Variants in SPTLC2 observed in about 807,000 individuals in gnomAD.
SPTLC2 encodes serine palmitoyltransferase 2.
SPTLC2 carries 21 observed loss-of-function variants against 62.0 expected under a neutral mutation model. That is an observed-to-expected ratio of 0.34 (90% CI 0.24 to 0.49). The LOEUF (loss-of-function observed/expected upper bound fraction) is 0.49, where lower values mean the gene tolerates loss of function less well. Ranked by LOEUF, SPTLC2 falls within the 20% of genes least tolerant of loss-of-function variation. The pLI, the probability that SPTLC2 is intolerant of heterozygous loss-of-function variation, is 0.99. For missense variants in SPTLC2, 511 were observed against 713.0 expected, an observed-to-expected ratio of 0.72 and a Z score of 3.23; for synonymous variants, 261 against 261.8, an observed-to-expected ratio of 1.00 and a Z score of 0.03.
intron 4 of SPTLC2, among the ~76,000 whole-genome samples, chr14:77,574,001 C>A (rs2079699490): frequency 6.6e-6 from 1 of 152,158 alleles, no homozygotes; most frequent in Non-Finnish European, 1.5e-5. Flanking sequence ...AGCCAGGGAA[C>A]GTCATGGATT....
rs540197610 is a variant in SPTLC2, at chr14:77,534,632, T to C, written c.1304-13051A>G. Among the ~76,000 whole-genome samples, 9 of 88,738 alleles carry C rather than the reference T, an allele frequency of 1.0e-4. No homozygotes were observed. The East Asian group carries it at 1.0e-3, about 10-fold the overall frequency. 58.2% of individuals were successfully genotyped at this position (88,738 alleles called of 152,430 possible). On this transcript the variant is annotated intron_variant, in intron 9 of 11. Transcript: ENST00000216484. ...ATGCTAAACATAGAAGAAATAGAAA[T>C]TGATTTCACCAAAGGCAAAATAAAA...
At chr14:77,576,574 T>C (rs2079717033) in intron 4 of SPTLC2, among the ~76,000 whole-genome samples, 193 bp downstream of exon 4, 1 of 152,240 alleles carries the variant, frequency 6.6e-6, no homozygotes, top group Non-Finnish European at 1.5e-5. Flanking sequence ...TTGGGAAAGA[T>C]AAACACATCT....
chr14:77,562,566 A>C (rs1041286912), intron 5 of SPTLC2, 77 bp from the exon 6 acceptor site: 2 of 1,106,274 alleles, frequency 1.8e-6, no homozygotes, highest in Admixed American at 1.8e-5. Context: ...AATGCCACAA[A>C]CACTAATAGC....
chr14:77,543,849 C>A (rs1225731368), intron 9 of SPTLC2, among the ~76,000 whole-genome samples: 1 of 152,114 alleles, frequency 6.6e-6, no homozygotes, highest in South Asian at 2.1e-4. Context: ...CCAGAAACAA[C>A]CAAAAATGGC....
intron 9 of SPTLC2, chr14:77,535,935 AG>A (rs1312760947): frequency 6.6e-6 from 3 of 455,056 alleles, no homozygotes; most frequent in Non-Finnish European, 1.3e-5. Flanking sequence ...GACTAAATAC[AG>A]GGGATAAAGG....
rs139592291 is a variant in SPTLC2, at chr14:77,523,295, T to C, written c.1304-1714A>G. 7.8e-3 allele frequency among the ~76,000 whole-genome samples: 1,185 copies of C among 152,326 alleles called. 23 individuals are homozygous for C. Among genetic ancestry groups the C allele is most frequent in the African/African-American group, 0.027 (1,125 of 41,576 alleles). On this transcript the variant is annotated intron_variant, in intron 9 of 11. Coordinates refer to ENST00000216484, the MANE Select transcript of SPTLC2 (RefSeq NM_004863.4). ...GTACATAAACAATGACTTTTAGACATTGAACCACGGGGAATGCCAGACTGT... is the reference window on the plus strand; with the variant it reads ...GTACATAAACAATGACTTTTAGACACTGAACCACGGGGAATGCCAGACTGT...
Position 77,596,751 on chromosome 14 carries a change from G to A in SPTLC2, c.327+435C>T, listed in dbSNP as rs571779722. On this transcript the variant is annotated intron_variant, in intron 2 of 11. Coordinates refer to ENST00000216484, the MANE Select transcript of SPTLC2 (RefSeq NM_004863.4). ...CCAACTATGTATAATGTATCTATGA[G>A]AAAACACATTATTAATTCCAAAGAA... Among the ~76,000 whole-genome samples, 3 of 152,292 alleles carry A rather than the reference G, an allele frequency of 2.0e-5. No homozygotes were observed. The East Asian group carries it at 5.8e-4, about 29-fold the overall frequency.
intron 1 of SPTLC2, among the ~76,000 whole-genome samples, chr14:77,605,827 T>C (rs2079901895): frequency 6.6e-6 from 1 of 152,184 alleles, no homozygotes; most frequent in Non-Finnish European, 1.5e-5. Context: ...GCTTAGCAGA[T>C]AAAGCTAGAG....
chr14:77,529,312 A>ACATG (rs1190393126), intron 9 of SPTLC2, among the ~76,000 whole-genome samples: 1 of 150,216 alleles, frequency 6.7e-6, no homozygotes, highest in Non-Finnish European at 1.5e-5. Context: ...TTAAACCAGG[A>ACATG]CATGACAAAG....
chr14:77,554,811 G>C (rs1395941614), intron 8 of SPTLC2: 1 of 175,206 alleles, frequency 5.7e-6, no homozygotes, highest in Non-Finnish European at 1.2e-5. Flanking sequence ...CCCAGAAAAG[G>C]CAACTTCATA....
chr14:77,596,379 T>C (rs2140055539), intron 2 of SPTLC2, among the ~76,000 whole-genome samples: 1 of 149,596 alleles, frequency 6.7e-6, no homozygotes, highest in East Asian at 2.0e-4. Flanking sequence ...GGCAGGTGCC[T>C]GTAGTCCCAG....
chr14:77,606,315 G>C (rs2079904859), intron 1 of SPTLC2, among the ~76,000 whole-genome samples: 5 of 152,106 alleles, frequency 3.3e-5, no homozygotes, highest in Admixed American at 3.3e-4. Flanking sequence ...CTGGGCAACA[G>C]AGCGAGACTC....
rs140282275 is a variant in SPTLC2, at chr14:77,561,959, A to T, written c.850+437T>A. Among the ~76,000 whole-genome samples the T allele has an allele frequency of 5.0e-3, 763 of 152,360 alleles. 8 individuals are homozygous for T. Among genetic ancestry groups the T allele is most frequent in the African/African-American group, 0.018 (740 of 41,588 alleles). ...CACTGAGGGAGGAAAGGTCTGGCTC[A>T]GGGCCACCCTCCTCTGTGCTCCCAC... On this transcript the variant is annotated intron_variant, in intron 6 of 11. Coordinates refer to ENST00000216484, the MANE Select transcript of SPTLC2 (RefSeq NM_004863.4).
At chr14:77,567,205 C>T (rs2079650129) in intron 5 of SPTLC2, among the ~76,000 whole-genome samples, 1 of 152,192 alleles carries the variant, frequency 6.6e-6, no homozygotes, top group Admixed American at 6.5e-5. Flanking sequence ...CTCCACCCGT[C>T]TCAGCCTCCC....
rs183861853 is a variant in SPTLC2 at position 77,540,468 on chromosome 14, T to A, written c.1303+11628A>T. On this transcript the variant is annotated intron_variant, in intron 9 of 11. Transcript: ENST00000216484. ...AATGCATTTTATTTATTTTTACTTT[T>A]ATTTTTTAATTTTTTAAATTTTTTG... 3.1e-3 allele frequency among the ~76,000 whole-genome samples: 466 copies of A among 152,284 alleles called. 2 individuals carry two copies. Among genetic ancestry groups the A allele is most frequent in the African/African-American group, 0.011 (444 of 41,560 alleles).
Position 77,562,411 on chromosome 14 carries a change from T to C in SPTLC2, c.835A>G (p.Ile279Val), listed in dbSNP as rs1164937511. The C allele has an allele frequency of 6.2e-7, 1 of 1,614,178 alleles. No individual in the cohort carries two copies. Among genetic ancestry groups the C allele is most frequent in the Non-Finnish European group, 8.5e-7 (1 of 1,180,020 alleles). Residue 279 changes from isoleucine (I) to valine (V), a missense_variant, in exon 6 of 12, where the codon ATC becomes GTC. Ile to Val is a conservative substitution (Grantham distance 29). Coordinates refer to ENST00000216484, the MANE Select transcript of SPTLC2 (RefSeq NM_004863.4). ...GCAAACTCACTGTTGTGTTTGAAGA[T>C]TCTAATGGTTGCTCCTGACAGTCTG... ...GARLSGATIRIFKHNNMQSLE... is the reference protein window; with the variant it reads ...GARLSGATIRVFKHNNMQSLE...
intron 1 of SPTLC2, among the ~76,000 whole-genome samples, chr14:77,606,846 G>A (rs1032828927): frequency 3.3e-5 from 5 of 152,140 alleles, no homozygotes; most frequent in South Asian, 2.1e-4. Context: ...AAAGTTAGCC[G>A]GATGTGGTGG....
intron 1 of SPTLC2, among the ~76,000 whole-genome samples, chr14:77,614,032 T>TA (rs1360881376): frequency 2.6e-5 from 4 of 152,218 alleles, no homozygotes; most frequent in African/African-American, 9.6e-5. Context: ...CTAGAAGGGA[T>TA]ACTGCAGCCC....
chr14:77,586,543 C>T (rs2079782574), intron 2 of SPTLC2, among the ~76,000 whole-genome samples: 1 of 152,130 alleles, frequency 6.6e-6, no homozygotes, highest in Non-Finnish European at 1.5e-5. Context: ...TGTGGTATAT[C>T]CACATAACAG....
Sources: allele counts gnomAD v4.1 joint callset (sites outside exome capture counted in the v4.1 genomes callset), GRCh38; gene constraint gnomAD v4.1.1; transcripts MANE v1.5; gene names NCBI Gene and HGNC (gene_info 2026-07-23, HGNC 2026-07-21).